The following PGM3 variants were observed in gnomAD, a reference collection of about 807,000 sequenced individuals.
PGM3 encodes the protein phosphoglucomutase 3, also known as phosphoacetylglucosamine mutase.
PGM3 carries 40 observed loss-of-function variants against 66.2 expected under a neutral mutation model. The ratio of observed to expected loss-of-function variants is 0.60; its 90% CI spans 0.47 to 0.79. The LOEUF is 0.79. Ranked by LOEUF, PGM3 falls within the 30% of genes least tolerant of loss-of-function variation. The pLI, the probability that PGM3 is intolerant of heterozygous loss-of-function variation, is 0.00. For synonymous variants in PGM3, 191 were observed against 224.2 expected, an observed-to-expected ratio of 0.85 and a Z score of 1.32; for missense variants, 537 against 643.4, an observed-to-expected ratio of 0.83 and a Z score of 1.79.
chr6:83,183,733 T>A (rs1002675687), intron 4 of PGM3, among the ~76,000 whole-genome samples: 1 of 150,212 alleles, frequency 6.7e-6, no homozygotes, highest in Admixed American at 6.6e-5. Flanking sequence ...TGTCATGAAT[T>A]TTTTTTTTTT....
rs1477674200 is a variant in PGM3, at chr6:83,168,278, A to C, written c.*956T>G. On this transcript the variant is annotated 3_prime_UTR_variant, in exon 13 of 13. Transcript: ENST00000513973. ...TTTTGTATGTAACAGAACACATTTC[A>C]GATTGTATTTAATTTAAATATTTGT... is the stretch of plus-strand genomic sequence containing the variant. 4 of 1,439,884 alleles carry C rather than the reference A, an allele frequency of 2.8e-6. No homozygotes were observed. In the East Asian group the frequency reaches 1.0e-4, roughly 36 times the overall value. The allele number at this position is 1,439,884 out of a possible 1,614,324, so 89.2% of individuals were successfully genotyped here. A position where few individuals can be genotyped will look rare whatever the true frequency, so the allele number is the denominator to read the frequency against.
chr6:83,155,227 C>T, the PGM3 span, among the ~76,000 whole-genome samples: 1 of 146,680 alleles, frequency 6.8e-6, no homozygotes, highest in African/African-American at 2.5e-5. Flanking sequence ...TTTGACAGGC[C>T]AAGGCACTAG....
At position 83,181,763 on chromosome 6, in the gene PGM3, C is replaced by T. The variant is rs146510423; in HGVS notation, c.760G>A (p.Val254Met). 6.2e-7 allele frequency: 1 copy of T among 1,611,238 alleles called. No homozygotes were observed. Among genetic ancestry groups the T allele is most frequent in the Non-Finnish European group, 8.5e-7 (1 of 1,179,214 alleles). The part of the protein sequence containing the change: ...KLNHLCGADF[V>M]KSHQKPPQGM... The stretch of plus-strand genomic sequence containing the variant: ...TGTGGAGGTTTCTGATGACTTTTCA[C>T]AAAGTCAGCTCCACATAAATGATTG... Residue 254 changes from valine to methionine, a missense_variant, in exon 6 of 13, where the codon GTG (valine) becomes ATG (methionine). Transcript: ENST00000513973.
chr6:83,177,566 G>A (rs1479956636), intron 8 of PGM3, among the ~76,000 whole-genome samples: 1 of 152,152 alleles, frequency 6.6e-6, no homozygotes. Flanking sequence ...CTTTAATATA[G>A]CCAAGCGGAC....
intron 2 of PGM3, among the ~76,000 whole-genome samples, chr6:83,190,054 C>A (rs888710733): frequency 6.6e-5 from 10 of 152,126 alleles, no homozygotes; most frequent in African/African-American, 2.4e-4. Flanking sequence ...GGAAGACTAA[C>A]GTACAGCGTG....
At chr6:83,164,772 T>A, downstream of PGM3, 1 of 1,476,410 alleles carries the variant, frequency 6.8e-7, no homozygotes, top group Non-Finnish European at 9.2e-7. Flanking sequence ...TGCCAAATAT[T>A]GAGACACAAA....
downstream of PGM3, among the ~76,000 whole-genome samples, chr6:83,162,208 T>C (rs989449697): frequency 3.9e-5 from 6 of 152,130 alleles, no homozygotes; most frequent in Non-Finnish European, 8.8e-5. Context: ...TTCTTTGGTA[T>C]GCCCATTTAT....
chr6:83,193,227 G>C lies in PGM3; in HGVS notation c.-51C>G, dbSNP rs1789308033. ...CTACACGCAGCGGAGAAGCGCCCAA[G>C]CAACAACGTCTGCACCCAAACCCAG... On this transcript the variant is annotated 5_prime_UTR_variant, in exon 1 of 13. Transcript: ENST00000513973. 6.6e-6 allele frequency: 1 copy of C among 152,306 alleles called. No homozygotes were observed. The highest frequency in any genetic ancestry group is 1.5e-5 in the Non-Finnish European group (1 of 68,122). 9.4% of individuals were successfully genotyped at this position (152,306 alleles called of 1,614,324 possible). A position where few individuals can be genotyped will look rare whatever the true frequency, so the allele number is the denominator to read the frequency against.
downstream of PGM3, among the ~76,000 whole-genome samples, chr6:83,162,613 A>G (rs752750215): frequency 1.3e-5 from 2 of 152,116 alleles, no homozygotes; most frequent in Non-Finnish European, 2.9e-5. Flanking sequence ...TTATTTACTG[A>G]TGAAGGCTCA....
chr6:83,162,707 ATC>A (rs1784517747), downstream of PGM3: 2 of 1,437,682 alleles, frequency 1.4e-6, no homozygotes, highest in Non-Finnish European at 1.9e-6. Context: ...TGGGGTCATG[ATC>A]TTTCTACTAC....
At chr6:83,170,190 G>C in intron 12 of PGM3, 115 bp downstream of exon 12, 1 of 918,906 alleles carries the variant, frequency 1.1e-6, no homozygotes, top group Non-Finnish European at 1.7e-6. Flanking sequence ...GAACCTAAAA[G>C]GCTCAACAAA....
At chr6:83,170,818 A>G (rs1415549224) in intron 11 of PGM3, 1 of 177,532 alleles carries the variant, frequency 5.6e-6, no homozygotes, top group African/African-American at 2.4e-5. Context: ...TTTCTTAAAT[A>G]TGCCAAAAAT....
Position 83,193,263 on chromosome 6 carries a change from C to T in PGM3, c.-87G>A, listed in dbSNP as rs1789314404. The T allele has an allele frequency of 6.6e-6, 1 of 152,346 alleles. No homozygotes were observed. Among genetic ancestry groups the T allele is most frequent in the Admixed American group, 6.5e-5 (1 of 15,288 alleles). 9.4% of individuals were successfully genotyped at this position (152,346 alleles called of 1,614,324 possible). On this transcript the variant is annotated 5_prime_UTR_variant, in exon 1 of 13. Coordinates refer to ENST00000513973, the MANE Select transcript of PGM3 (RefSeq NM_015599.3). Reference sequence around the variant, plus strand: ...TGCACCCAAACCCAGTCCTCAGAACCGCAGACGTGGCCCTGCGTGGCTTCC... The same window carrying T: ...TGCACCCAAACCCAGTCCTCAGAACTGCAGACGTGGCCCTGCGTGGCTTCC...
intron 4 of PGM3, among the ~76,000 whole-genome samples, chr6:83,186,686 C>T (rs1788605420): frequency 1.3e-5 from 2 of 152,086 alleles, no homozygotes; most frequent in South Asian, 2.1e-4. Context: ...GATAAAAGCT[C>T]CCCAGAATGA....
downstream of PGM3, among the ~76,000 whole-genome samples, chr6:83,159,032 G>T (rs1783542754): frequency 6.6e-6 from 1 of 152,008 alleles, no homozygotes; most frequent in South Asian, 2.1e-4. Context: ...TTTTAATAGA[G>T]GCAGTTTATT....
intron 12 of PGM3, chr6:83,169,535 G>T (rs1786630992): frequency 5.3e-6 from 3 of 565,198 alleles, no homozygotes; most frequent in South Asian, 4.2e-5. Flanking sequence ...TCTAAATAAG[G>T]TAAGTTTTTA....
chr6:83,156,182 G>C, downstream of PGM3: 1 of 1,196,864 alleles, frequency 8.4e-7, no homozygotes. Flanking sequence ...TAAATACTAA[G>C]TTGGGGTAAA....
In PGM3 at chr6:83,166,594, T is replaced by A; in HGVS notation, c.*2640A>T. On this transcript the variant is annotated 3_prime_UTR_variant, in exon 13 of 13. Coordinates refer to ENST00000513973, the MANE Select transcript of PGM3 (RefSeq NM_015599.3). ...TGAGAAATATGCTTAAAATGATGTA[T>A]AACATAACCACATTTATTTAAGAAT... 1.5e-6 allele frequency: 1 copy of A among 655,602 alleles called. No homozygotes were observed. Among genetic ancestry groups the A allele is most frequent in the Non-Finnish European group, 2.4e-6 (1 of 412,596 alleles). The allele number at this position is 655,602 out of a possible 1,614,324, so 40.6% of individuals were successfully genotyped here. A position where few individuals can be genotyped will look rare whatever the true frequency, so the allele number is the denominator to read the frequency against.
In PGM3 at chr6:83,166,693, CT is replaced by C; in HGVS notation, c.*2540del. The C allele has an allele frequency of 8.1e-7, 1 of 1,240,656 alleles. No homozygotes were observed. Among genetic ancestry groups the C allele is most frequent in the Non-Finnish European group, 1.0e-6 (1 of 992,514 alleles). 76.9% of individuals were successfully genotyped at this position (1,240,656 alleles called of 1,614,324 possible). A position where few individuals can be genotyped will look rare whatever the true frequency, so the allele number is the denominator to read the frequency against. ...ACGTTTGCACCAACCTAATATTTTC[CT>C]TTTTCAGGATTTTACTTTAAAATAA... On this transcript the variant is annotated 3_prime_UTR_variant, in exon 13 of 13. Coordinates refer to ENST00000513973, the MANE Select transcript of PGM3 (RefSeq NM_015599.3).
Sources: allele counts gnomAD v4.1 joint callset (sites outside exome capture counted in the v4.1 genomes callset), GRCh38; gene constraint gnomAD v4.1.1; transcripts MANE v1.5; gene names NCBI Gene and HGNC (gene_info 2026-07-23, HGNC 2026-07-21).